The following PCDH11X variants were observed in gnomAD, a reference collection of about 807,000 sequenced individuals.
PCDH11X encodes protocadherin 11 X-linked, also known as protocadherin-11 X-linked.
In PCDH11X, 18 loss-of-function variants were observed where a neutral mutation model predicts 53.3. That is an observed-to-expected ratio of 0.34 (90% CI 0.23 to 0.50). PCDH11X has a LOEUF of 0.50. Ranked by LOEUF, PCDH11X falls within the 20% of genes least tolerant of loss-of-function variation. The pLI is 0.98. For missense variants in PCDH11X, 570 were observed against 1,032.4 expected (o/e 0.55, Z 6.14); for synonymous variants, 279 against 393.3 (o/e 0.71, Z 3.44).
intron 6 of PCDH11X, among the ~76,000 whole-genome samples, chrX:91,884,493 A>T (rs1940107750): frequency 9.0e-6 from 1 of 111,158 alleles, no homozygotes; most frequent in Admixed American, 9.6e-5. Flanking sequence ...TATTTAAATA[A>T]GTCTGTTTTA....
At chrX:92,431,333 T>G (rs1453488728) in intron 9 of PCDH11X, among the ~76,000 whole-genome samples, 2 of 110,294 alleles carry the variant, frequency 1.8e-5, no homozygotes, top group Admixed American at 1.9e-4. Flanking sequence ...AAAAGGGGTA[T>G]TTTTTTCCCT....
chrX:91,955,723 G>C (rs987291531), intron 6 of PCDH11X, among the ~76,000 whole-genome samples: 14 of 112,189 alleles, frequency 1.2e-4, no homozygotes, highest in Non-Finnish European at 1.3e-4. Context: ...GCAACGAGAA[G>C]AATGTATATT....
chrX:91,961,451 A>G, intron 6 of PCDH11X, among the ~76,000 whole-genome samples: 1 of 111,677 alleles, frequency 9.0e-6, no homozygotes. Context: ...AATCCTAGCC[A>G]GGGCAATGAG....
At chrX:92,099,286 A>T (rs934939179) in intron 6 of PCDH11X, among the ~76,000 whole-genome samples, 3 of 108,789 alleles carry the variant, frequency 2.8e-5, no homozygotes, top group Non-Finnish European at 5.7e-5. Flanking sequence ...AATACAAATG[A>T]CATTTCTTTC....
intron 1 of PCDH11X, among the ~76,000 whole-genome samples, chrX:91,801,315 T>C (rs866378013): frequency 5.4e-5 from 6 of 110,165 alleles, no homozygotes; most frequent in Non-Finnish European, 1.1e-4. Flanking sequence ...GCAGTATTCA[T>C]TTTCTGCCTT....
intron 10 of PCDH11X, among the ~76,000 whole-genome samples, chrX:92,544,204 A>C (rs990958952): frequency 4.5e-5 from 5 of 111,635 alleles, no homozygotes; most frequent in African/African-American, 1.6e-4. Flanking sequence ...CACATACTTC[A>C]CATTTGCCCA....
intron 7 of PCDH11X, among the ~76,000 whole-genome samples, chrX:92,212,050 C>T (rs760797004): frequency 3.6e-4 from 27 of 74,865 alleles, no homozygotes; most frequent in Non-Finnish European, 2.6e-4. Context: ...CTTGCTTTGT[C>T]ACCCAAGCTG....
chrX:92,416,458 TCA>T (rs1357220338), intron 9 of PCDH11X, among the ~76,000 whole-genome samples: 1 of 109,265 alleles, frequency 9.2e-6, no homozygotes, highest in Non-Finnish European at 1.9e-5. Context: ...TCCTACATAC[TCA>T]CAAAATTTAA....
At chrX:91,974,337 AC>A (rs1171689888) in intron 6 of PCDH11X, among the ~76,000 whole-genome samples, 2 of 110,520 alleles carry the variant, frequency 1.8e-5, no homozygotes, top group African/African-American at 6.6e-5. Flanking sequence ...GAAATTGATA[AC>A]CTTTGTGGTG....
At chrX:92,204,253 A>G (rs2066439532) in intron 7 of PCDH11X, among the ~76,000 whole-genome samples, 2 of 111,881 alleles carry the variant, frequency 1.8e-5, no homozygotes, top group South Asian at 7.5e-4. Flanking sequence ...AGCAGGCTTG[A>G]ATTTCTCCCA....
chrX:92,520,321 G>T (rs1458648718), intron 10 of PCDH11X, among the ~76,000 whole-genome samples: 1 of 105,396 alleles, frequency 9.5e-6, no homozygotes, highest in African/African-American at 3.4e-5. Flanking sequence ...CTTTTAAAAT[G>T]TATATACCTT....
chrX:91,861,302 T>C (rs910432674), intron 5 of PCDH11X, among the ~76,000 whole-genome samples: 1 of 111,893 alleles, frequency 8.9e-6, no homozygotes, highest in Non-Finnish European at 1.9e-5. Flanking sequence ...TTGTTTGTGT[T>C]TCTGTGGGTA....
intron 7 of PCDH11X, among the ~76,000 whole-genome samples, chrX:92,210,029 A>G (rs1414445032): frequency 9.0e-6 from 1 of 110,757 alleles, no homozygotes; most frequent in African/African-American, 3.3e-5. Context: ...CTAAGGCTGC[A>G]CAGAGCAGCA....
chrX:92,537,776 A>G (rs1342495660), intron 10 of PCDH11X, among the ~76,000 whole-genome samples: 1 of 107,039 alleles, frequency 9.3e-6, no homozygotes, highest in East Asian at 2.9e-4. Flanking sequence ...GAAAAAAGAC[A>G]ATCTGATTTA....
At chrX:92,095,188 G>T (rs1229630013) in intron 6 of PCDH11X, among the ~76,000 whole-genome samples, 3 of 110,618 alleles carry the variant, frequency 2.7e-5, no homozygotes, top group South Asian at 7.6e-4. Context: ...CAAAGCTAAT[G>T]CATTTACTCT....
intron 8 of PCDH11X, among the ~76,000 whole-genome samples, chrX:92,341,005 C>T (rs2069744293): frequency 9.0e-6 from 1 of 111,646 alleles, no homozygotes; most frequent in South Asian, 3.8e-4. Flanking sequence ...GCAGGCACAG[C>T]ACTTCTTGGA....
At chrX:91,788,378 G>T (rs916071390) in intron 1 of PCDH11X, among the ~76,000 whole-genome samples, 1 of 111,777 alleles carries the variant, frequency 8.9e-6, no homozygotes, top group Non-Finnish European at 1.9e-5. Context: ...GAAAACAAGT[G>T]AATGGATTCA....
intron 10 of PCDH11X, among the ~76,000 whole-genome samples, chrX:92,546,347 T>A (rs2148744386): frequency 9.0e-6 from 1 of 111,580 alleles, no homozygotes; most frequent in Non-Finnish European, 1.9e-5. Flanking sequence ...CTCTATACTA[T>A]CAGAGAAGAC....
At chrX:92,224,006 G>T (rs1214155827) in intron 7 of PCDH11X, among the ~76,000 whole-genome samples, 1 of 111,400 alleles carries the variant, frequency 9.0e-6, no homozygotes, top group Non-Finnish European at 1.9e-5. Flanking sequence ...GGATATTATC[G>T]AGGACCTCTT....
Sources: gnomAD v4.1 joint callset for allele counts (sites outside exome capture counted in the v4.1 genomes callset) on GRCh38, gnomAD v4.1.1 for gene constraint, MANE v1.5 for transcripts, NCBI Gene and HGNC (gene_info 2026-07-23, HGNC 2026-07-21) for gene names.